The following OSBPL10 variants were observed in gnomAD, a reference collection of about 807,000 sequenced individuals.
OSBPL10 encodes the protein oxysterol-binding protein-related protein 10.
Under a neutral mutation model 81.7 loss-of-function variants are expected in OSBPL10, and 49 were observed. The ratio of observed to expected loss-of-function variants is 0.60; its 90% CI spans 0.48 to 0.76. OSBPL10 has a LOEUF of 0.76. Among genes scored for constraint, OSBPL10 ranks in the 30% least tolerant of loss-of-function variants. The pLI, the probability that OSBPL10 is intolerant of heterozygous loss-of-function variation, is 0.00. For synonymous variants in OSBPL10, 419 were observed against 383.6 expected, an observed-to-expected ratio of 1.09 and a Z score of -1.08; for missense variants, 923 against 987.8, an observed-to-expected ratio of 0.93 and a Z score of 0.88.
intron 1 of OSBPL10, among the ~76,000 whole-genome samples, chr3:31,959,926 G>GA (rs1216182507): frequency 6.6e-6 from 1 of 152,130 alleles, no homozygotes; most frequent in East Asian, 1.9e-4. Flanking sequence ...AAGGATACAG[G>GA]AAAAATGCCA....
chr3:31,757,521 C>T (rs1697923536), intron 4 of OSBPL10, among the ~76,000 whole-genome samples: 1 of 152,236 alleles, frequency 6.6e-6, no homozygotes, highest in Non-Finnish European at 1.5e-5. Context: ...GCCTCCACAA[C>T]TGTGAGACAA....
chr3:31,970,491 C>T (rs976755516), intron 1 of OSBPL10, among the ~76,000 whole-genome samples: 7 of 152,154 alleles, frequency 4.6e-5, no homozygotes, highest in African/African-American at 1.4e-4. Context: ...GACAACTCTG[C>T]GCTTACATCC....
intron 2 of OSBPL10, among the ~76,000 whole-genome samples, chr3:31,997,690 A>G (rs1212318835): frequency 6.6e-6 from 1 of 152,066 alleles, no homozygotes; most frequent in Admixed American, 6.5e-5. Context: ...CATCAAGCGA[A>G]CATCTGGAGA....
chr3:31,784,071 G>A (rs186433628), intron 4 of OSBPL10, among the ~76,000 whole-genome samples: 1 of 151,326 alleles, frequency 6.6e-6, no homozygotes, highest in African/African-American at 2.4e-5. Context: ...GGGTGCAGTG[G>A]CTCACGCATG....
intron 4 of OSBPL10, among the ~76,000 whole-genome samples, chr3:31,769,464 A>AACAAAC (rs1559456969): frequency 1.0e-5 from 1 of 97,828 alleles, no homozygotes; most frequent in African/African-American, 3.7e-5. Flanking sequence ...AAAAACAAAA[A>AACAAAC]AAAAACAAAA....
intron 2 of OSBPL10, chr3:31,990,139 G>A: frequency 1.2e-6 from 2 of 1,611,326 alleles, no homozygotes; most frequent in Non-Finnish European, 1.7e-6. Flanking sequence ...TTTCAGGCGT[G>A]ATTCACACCT....
intron 4 of OSBPL10, among the ~76,000 whole-genome samples, chr3:31,775,433 A>G (rs1698522805): frequency 6.6e-6 from 1 of 152,168 alleles, no homozygotes; most frequent in Non-Finnish European, 1.5e-5. Context: ...TGCCACCTGG[A>G]GAAACCTAGG....
At chr3:31,874,645 A>C (rs948138392) in intron 3 of OSBPL10, among the ~76,000 whole-genome samples, 34 of 152,202 alleles carry the variant, frequency 2.2e-4, no homozygotes, top group African/African-American at 7.7e-4. Context: ...TTAGACATGA[A>C]AATAAAAATA....
chr3:31,824,149 C>T (rs1334968088), intron 4 of OSBPL10, among the ~76,000 whole-genome samples: 2 of 152,164 alleles, frequency 1.3e-5, no homozygotes, highest in Non-Finnish European at 2.9e-5. Flanking sequence ...CATGAGCCAC[C>T]ACGCCCTGCC....
chr3:31,683,779 C>A lies in OSBPL10; in HGVS notation c.1581G>T (p.Arg527Ser). 6.2e-7 allele frequency: 1 copy of A among 1,614,200 alleles called. No homozygotes were observed. The highest frequency in any genetic ancestry group is 1.7e-5 in the Admixed American group (1 of 60,022). Residue 527 changes from arginine to serine, a missense_variant, in exon 8 of 12, where the codon AGG becomes AGT. Physicochemically the swap from Arg to Ser is moderately radical, Grantham distance 110. Coordinates refer to ENST00000396556, the MANE Select transcript of OSBPL10 (RefSeq NM_017784.5). ...GATGGGACACTTGCTCAGCCACAAA[C>A]CTTAGTTTGTAGCTTTTGGAAGGGT... ...ADDPSKSYKL[R>S]FVAEQVSHHP... is the part of the protein sequence containing the mutation.
chr3:32,006,810 G>T (rs376020878), intron 2 of OSBPL10, among the ~76,000 whole-genome samples: 1 of 152,198 alleles, frequency 6.6e-6, no homozygotes, highest in Non-Finnish European at 1.5e-5. Flanking sequence ...TGCTTTTGTT[G>T]CTGTGGCTTT....
intron 4 of OSBPL10, among the ~76,000 whole-genome samples, chr3:31,770,642 C>A (rs1004464257): frequency 2.0e-5 from 3 of 152,036 alleles, no homozygotes; most frequent in Non-Finnish European, 4.4e-5. Context: ...CAAAATTAGC[C>A]GGGCATGGAG....
At chr3:31,812,731 AAAGAAAGAAAG>A (rs1699720948) in intron 4 of OSBPL10, among the ~76,000 whole-genome samples, 1 of 18,156 alleles carries the variant, frequency 5.5e-5, no homozygotes, top group Non-Finnish European at 9.1e-5. Flanking sequence ...AGAAAGAAAG[AAAGAAAGAAAG>A]AAAGAAAGAA....
chr3:31,862,178 T>A (rs966598344), intron 3 of OSBPL10, among the ~76,000 whole-genome samples: 16 of 150,406 alleles, frequency 1.1e-4, no homozygotes, highest in Non-Finnish European at 1.5e-4. Context: ...CACAAAAAAA[T>A]TTTTTTTTAA....
chr3:32,026,978 C>G lies in OSBPL10; in HGVS notation n.298+19513G>C. On this transcript the variant is annotated intron_variant and non_coding_transcript_variant, in intron 2 of 3. Transcript: ENST00000479173. ...ATAACTTTGAATGCTAGGACCCTAG[C>G]TTGCTAAATAACAGCCGTGGCCAGT... Among the ~76,000 whole-genome samples the G allele has an allele frequency of 1.3e-5, 2 of 152,216 alleles. 1 individual carries two copies. The highest frequency in any genetic ancestry group is 3.8e-4 in the East Asian group (2 of 5,200).
At chr3:31,796,737 A>C (rs1259125612) in intron 4 of OSBPL10, among the ~76,000 whole-genome samples, 1 of 152,138 alleles carries the variant, frequency 6.6e-6, no homozygotes. Flanking sequence ...TGGGTTTGAC[A>C]ACCACTGCTC....
At chr3:31,958,730 C>T (rs1397692559) in intron 1 of OSBPL10, among the ~76,000 whole-genome samples, 2 of 152,118 alleles carry the variant, frequency 1.3e-5, no homozygotes, top group Non-Finnish European at 2.9e-5. Flanking sequence ...CTTTGTGTTC[C>T]AAAAGCCTCT....
chr3:32,014,309 G>A lies in OSBPL10; in HGVS notation n.298+32182C>T, dbSNP rs146784504. On this transcript the variant is annotated intron_variant and non_coding_transcript_variant, in intron 2 of 3. Coordinates refer to the OSBPL10 transcript ENST00000479173. ...GTTCAACATATGCAAATCAATAAAC[G>A]TAATCCAGCATATAAACAGAACCAA... Among the ~76,000 whole-genome samples the A allele has an allele frequency of 3.7e-3, 567 of 152,216 alleles. 8 individuals carry two copies. Among genetic ancestry groups the A allele is most frequent in the African/African-American group, 0.012 (507 of 41,528 alleles).
chr3:32,018,757 T>A (rs528946096), intron 2 of OSBPL10, among the ~76,000 whole-genome samples: 28 of 152,260 alleles, frequency 1.8e-4, no homozygotes, highest in African/African-American at 6.7e-4. Flanking sequence ...GTGGCTGAAT[T>A]TGGAGTCTGG....
Sources: gnomAD v4.1 joint callset for allele counts (sites outside exome capture counted in the v4.1 genomes callset) on GRCh38, gnomAD v4.1.1 for gene constraint, MANE v1.5 for transcripts, NCBI Gene and HGNC (gene_info 2026-07-23, HGNC 2026-07-21) for gene names.